The following ZHX3 variants were observed in gnomAD, a reference collection of about 807,000 sequenced individuals.
ZHX3 encodes zinc fingers and homeoboxes protein 3.
In ZHX3, 20 loss-of-function variants were observed where a neutral mutation model predicts 64.5. That is an observed-to-expected ratio of 0.31 (90% CI 0.22 to 0.45). The LOEUF (loss-of-function observed/expected upper bound fraction) is 0.45, where lower values mean the gene tolerates loss of function less well. Among genes scored for constraint, ZHX3 ranks in the 20% least tolerant of loss-of-function variants. ZHX3 has a pLI of 1.00. For missense variants in ZHX3, 1,041 were observed against 1,195.8 expected (o/e 0.87, Z 1.91); for synonymous variants, 423 against 461.6 (o/e 0.92, Z 1.07).
At chr20:41,221,887 G>T (rs1600826236) in intron 2 of ZHX3, among the ~76,000 whole-genome samples, 1 of 152,240 alleles carries the variant, frequency 6.6e-6, no homozygotes, top group South Asian at 2.1e-4. Flanking sequence ...GGCGGCGGTA[G>T]TAGAGAGACA....
At position 41,202,448 on chromosome 20, in the gene ZHX3, T is replaced by G; in HGVS notation, c.2469A>C (p.Gln823His). ...GCTTATAGTCTTCGTACCATTTGAG[T>G]TGGCCGTTCTTCAGTGCGTACCTGC... ...GDSRYALKNG[Q>H]LKWYEDYKRG... is the part of the protein sequence containing the mutation. Residue 823 changes from glutamine to histidine, a missense_variant, in exon 3 of 4, where the codon CAA becomes CAC. Coordinates refer to ENST00000683867, the MANE Select transcript of ZHX3 (RefSeq NM_001384317.1). This position sits in a 1 kb window ranked among gnomAD's most constrained non-coding sequence, Gnocchi z 7.0. 1 of 1,614,172 alleles carries G rather than the reference T, an allele frequency of 6.2e-7. No homozygotes were observed. The highest frequency in any genetic ancestry group is 8.5e-7 in the Non-Finnish European group (1 of 1,180,026).
chr20:41,283,479 C>A (rs548539387), intron 1 of ZHX3, among the ~76,000 whole-genome samples: 1 of 152,248 alleles, frequency 6.6e-6, no homozygotes, highest in Admixed American at 6.5e-5. Flanking sequence ...TTTTATCGGG[C>A]CAGGTGTGGT....
chr20:41,280,464 T>C (rs1239890571), intron 1 of ZHX3, among the ~76,000 whole-genome samples: 2 of 152,222 alleles, frequency 1.3e-5, no homozygotes, highest in Admixed American at 6.5e-5. Context: ...TAGTATTCTC[T>C]GAAAGATCTA....
At chr20:41,242,197 T>C (rs1380987102) in intron 2 of ZHX3, among the ~76,000 whole-genome samples, 4 of 152,218 alleles carry the variant, frequency 2.6e-5, no homozygotes, top group Non-Finnish European at 5.9e-5. Context: ...ACATTTATTT[T>C]CTCATTTAAT....
chr20:41,303,014 C>T (rs1473900112), intron 1 of ZHX3, among the ~76,000 whole-genome samples: 3 of 148,570 alleles, frequency 2.0e-5, no homozygotes, highest in Non-Finnish European at 4.4e-5. Flanking sequence ...CGACCATCTC[C>T]ATTTCTGTAT....
intron 1 of ZHX3, among the ~76,000 whole-genome samples, chr20:41,292,803 T>C (rs2044316693): frequency 6.6e-6 from 1 of 152,262 alleles, no homozygotes. Flanking sequence ...CTTTCTGGTA[T>C]GTGAGAGTAT....
intron 2 of ZHX3, among the ~76,000 whole-genome samples, chr20:41,235,125 G>A (rs2146409627): frequency 6.6e-6 from 1 of 152,284 alleles, no homozygotes; most frequent in Middle Eastern, 3.4e-3. Flanking sequence ...AACTCGGTGT[G>A]TGTGTGTGTA....
intron 2 of ZHX3, among the ~76,000 whole-genome samples, chr20:41,234,441 TG>T (rs1163302053): frequency 1.3e-5 from 2 of 152,322 alleles, no homozygotes; most frequent in East Asian, 3.9e-4. Flanking sequence ...CTCCTTACCT[TG>T]GTTCATGTTT....
At chr20:41,255,203 G>C (rs1040365446) in intron 2 of ZHX3, among the ~76,000 whole-genome samples, 15 of 152,118 alleles carry the variant, frequency 9.9e-5, no homozygotes, top group African/African-American at 3.4e-4. Flanking sequence ...CCAGGCTGGA[G>C]TGCAGTGGCG....
intron 2 of ZHX3, among the ~76,000 whole-genome samples, chr20:41,211,101 C>T (rs185260313): frequency 3.3e-3 from 506 of 151,826 alleles, no homozygotes; most frequent in Non-Finnish European, 5.3e-3. Flanking sequence ...TATAAAAGAC[C>T]GAAATTAAAC....
chr20:41,222,906 T>TAAAA (rs11482200), intron 2 of ZHX3, among the ~76,000 whole-genome samples: 7 of 137,178 alleles, frequency 5.1e-5, no homozygotes, highest in African/African-American at 1.3e-4. Flanking sequence ...GAACATTTGT[T>TAAAA]AAAAAAAAAA....
At chr20:41,214,918 A>G (rs2039412713) in intron 2 of ZHX3, among the ~76,000 whole-genome samples, 1 of 152,184 alleles carries the variant, frequency 6.6e-6, no homozygotes, top group South Asian at 2.1e-4. Flanking sequence ...TTTTTGTACA[A>G]TCCTTTACAT....
intron 2 of ZHX3, among the ~76,000 whole-genome samples, chr20:41,267,795 T>C (rs2042936064): frequency 6.6e-6 from 1 of 152,188 alleles, no homozygotes; most frequent in African/African-American, 2.4e-5. Flanking sequence ...ACAAGAACAA[T>C]GGCTCCAAAG....
At chr20:41,236,380 G>A (rs1048625229) in intron 2 of ZHX3, among the ~76,000 whole-genome samples, 2 of 152,140 alleles carry the variant, frequency 1.3e-5, no homozygotes, top group Non-Finnish European at 2.9e-5. Flanking sequence ...ATACTACAAG[G>A]CTACAGTAAC....
At chr20:41,196,541 TATATATA>T (rs1421317891) in intron 3 of ZHX3, 2 of 83,778 alleles carry the variant, frequency 2.4e-5, no homozygotes, top group Non-Finnish European at 2.2e-5. Flanking sequence ...ATATAAATAT[TATATATA>T]ATATATATTA....
At position 41,224,165 on chromosome 20, in the gene ZHX3, A is replaced by G. The variant is rs1239154864; in HGVS notation, c.-150-19099T>C. ...TTCCTAATTAAAAAATCCTGCAGCA[A>G]TCTGTTATCCAGTCTCCAACTGAGT... is the stretch of plus-strand genomic sequence containing the variant. On this transcript the variant is annotated intron_variant, in intron 2 of 3. Transcript: ENST00000683867. This position sits in a 1 kb window ranked among gnomAD's most constrained non-coding sequence, Gnocchi z 5.2. Among the ~76,000 whole-genome samples, 1 of 152,196 alleles carries G rather than the reference A, an allele frequency of 6.6e-6. No individual in the cohort carries two copies. Among genetic ancestry groups the G allele is most frequent in the Non-Finnish European group, 1.5e-5 (1 of 68,024 alleles).
At chr20:41,198,449 T>C (rs904121372) in intron 3 of ZHX3, among the ~76,000 whole-genome samples, 7 of 152,128 alleles carry the variant, frequency 4.6e-5, no homozygotes, top group Admixed American at 3.3e-4. Flanking sequence ...TTTTGAAGAA[T>C]AGTTTTGCCA....
chr20:41,315,823 A>G (rs2045272248), intron 1 of ZHX3, among the ~76,000 whole-genome samples: 1 of 152,160 alleles, frequency 6.6e-6, no homozygotes, highest in South Asian at 2.1e-4. Flanking sequence ...TTAATACCAA[A>G]TTGTGATTTA....
chr20:41,198,425 G>T (rs945548780), intron 3 of ZHX3, among the ~76,000 whole-genome samples: 2 of 151,678 alleles, frequency 1.3e-5, no homozygotes, highest in Non-Finnish European at 2.9e-5. Flanking sequence ...GAAATGTCTG[G>T]ATTTCTCTTT....
Sources: gnomAD v4.1 joint callset for allele counts (sites outside exome capture counted in the v4.1 genomes callset) on GRCh38, gnomAD v4.1.1 for gene constraint, Gnocchi (gnomAD v3.1) non-coding constraint, MANE v1.5 for transcripts, NCBI Gene and HGNC (gene_info 2026-07-23, HGNC 2026-07-21) for gene names.